TCF4: variants seen among roughly 807,000 people sequenced by gnomAD.
The protein encoded by TCF4 is transcription factor 4, also known as SL3-3 enhancer factor 2.
A neutral mutation model predicts 82.1 loss-of-function variants in TCF4; 3 were observed. The ratio of observed to expected loss-of-function variants is 0.04; its 90% CI spans 0.02 to 0.09. The LOEUF is 0.09. Ranked by LOEUF, TCF4 falls within the 10% of genes least tolerant of loss-of-function variation. TCF4 has a pLI of 1.00. For missense variants in TCF4, 518 were observed against 852.7 expected (o/e 0.61, Z 4.89); for synonymous variants, 276 against 309.6 (o/e 0.89, Z 1.14).
At chr18:55,400,951 C>T in intron 6 of TCF4, 1 of 1,288,278 alleles carries the variant, frequency 7.8e-7, no homozygotes, top group Non-Finnish European at 1.0e-6. Context: ...GTATCTCAAT[C>T]ATGTAGTAAA....
chr18:55,634,313 A>C (rs1216690624), intron 1 of TCF4, among the ~76,000 whole-genome samples: 1 of 152,082 alleles, frequency 6.6e-6, no homozygotes, highest in Non-Finnish European at 1.5e-5. Flanking sequence ...TAGAATTTAT[A>C]TGAAACAGTT....
Position 55,382,927 on chromosome 18 carries a change from C to T in TCF4, c.369+20527G>A, listed in dbSNP as rs575067967. ...GAAGGAATCTCATACACTATATAGG[C>T]CAAGCCTTCATTCTGCAGAGGCAGA... On this transcript the variant is annotated intron_variant, in intron 6 of 19. Coordinates refer to ENST00000354452, the MANE Select transcript of TCF4 (RefSeq NM_001083962.2). 2.6e-5 allele frequency among the ~76,000 whole-genome samples: 4 copies of T among 152,312 alleles called. No homozygotes were observed. The East Asian group carries it at 7.7e-4, about 29-fold the overall frequency.
At chr18:55,631,051 GTT>G (rs35757922) in intron 2 of TCF4, among the ~76,000 whole-genome samples, 7 of 142,278 alleles carry the variant, frequency 4.9e-5, no homozygotes, top group East Asian at 2.1e-4. Context: ...AGAGCAATGG[GTT>G]TTTTTTTTTT....
At chr18:55,439,046 G>A (rs571881535) in intron 5 of TCF4, among the ~76,000 whole-genome samples, 27 of 152,318 alleles carry the variant, frequency 1.8e-4, no homozygotes, top group Non-Finnish European at 2.8e-4. Context: ...TGGGATGGAG[G>A]TGTGTGCACC....
At chr18:55,430,703 G>C (rs1274869019) in intron 5 of TCF4, among the ~76,000 whole-genome samples, 1 of 152,158 alleles carries the variant, frequency 6.6e-6, no homozygotes, top group Non-Finnish European at 1.5e-5. Context: ...CATTGTGGAT[G>C]TTGAGGGAGA....
rs139866948 is a variant in TCF4 at position 55,366,681 on chromosome 18, C to G, written c.370-15678G>C. Among the ~76,000 whole-genome samples, 130 of 152,336 alleles carry G rather than the reference C, an allele frequency of 8.5e-4. No homozygotes were observed. The East Asian group carries it at 0.018, about 21-fold the overall frequency. The stretch of plus-strand genomic sequence containing the variant: ...ATTCCCTTAGAATATTTGCACCCAG[C>G]CTGCTCAATTTTGGCACATGTATTT... On this transcript the variant is annotated intron_variant, in intron 6 of 19. Transcript: ENST00000354452.
chr18:55,607,100 G>A (rs2097702859), intron 2 of TCF4, among the ~76,000 whole-genome samples: 1 of 152,108 alleles, frequency 6.6e-6, no homozygotes, highest in African/African-American at 2.4e-5. Flanking sequence ...TCTCTTCATT[G>A]TTGGGGGATG....
intron 11 of TCF4, chr18:55,266,390 C>A (rs1157097717): frequency 6.6e-6 from 1 of 152,214 alleles, no homozygotes; most frequent in South Asian, 2.1e-4. Flanking sequence ...GTAGAAGGTG[C>A]TGATGCTGGT....
intron 3 of TCF4, among the ~76,000 whole-genome samples, chr18:55,535,532 C>A (rs189909236): frequency 6.6e-6 from 1 of 152,162 alleles, no homozygotes; most frequent in African/African-American, 2.4e-5. Context: ...TATAACACTA[C>A]CAAGCTTTAA....
chr18:55,368,112 G>A (rs1034722318), intron 6 of TCF4, among the ~76,000 whole-genome samples: 7 of 152,208 alleles, frequency 4.6e-5, no homozygotes, highest in South Asian at 2.1e-4. Context: ...TCAGCCGGGC[G>A]CGGTGGCTCA....
chr18:55,286,057 TG>T (rs2063602661), intron 8 of TCF4, among the ~76,000 whole-genome samples: 1 of 152,256 alleles, frequency 6.6e-6, no homozygotes, highest in African/African-American at 2.4e-5. Flanking sequence ...CCCAGGTTTC[TG>T]GATATGCAGG....
At chr18:55,381,010 C>T (rs1367293390) in intron 6 of TCF4, among the ~76,000 whole-genome samples, 1 of 152,088 alleles carries the variant, frequency 6.6e-6, no homozygotes, top group African/African-American at 2.4e-5. Context: ...TTCTTGACAT[C>T]TTTTCTAATT....
intron 3 of TCF4, among the ~76,000 whole-genome samples, chr18:55,570,462 C>A (rs2097452963): frequency 6.6e-6 from 1 of 151,904 alleles, no homozygotes; most frequent in Admixed American, 6.6e-5. Context: ...ACCTAGAAAT[C>A]AATAAGAAAA....
chr18:55,508,543 A>T (rs2096789521), intron 3 of TCF4, among the ~76,000 whole-genome samples: 1 of 152,182 alleles, frequency 6.6e-6, no homozygotes, highest in South Asian at 2.1e-4. Context: ...AGATGCATTC[A>T]CTCATTTAAT....
chr18:55,383,852 T>C (rs934547311), intron 6 of TCF4: 4 of 152,246 alleles, frequency 2.6e-5, no homozygotes, highest in African/African-American at 7.2e-5. Flanking sequence ...ATGAATGATG[T>C]GACCCAGCAT....
rs1160112055 is a variant in TCF4 at position 55,234,662 on chromosome 18, C to T, written c.1372G>A (p.Gly458Ser). ...GAATGGCTGCCTCTCAGGGCCACGC[C>T]ATCTTCACGATGGGTCCCCACCTGA... ...SLMVGTHRED[G>S]VALRGSHSLL... Residue 458 changes from glycine to serine, a missense_variant, in exon 16 of 20, where the codon GGC (glycine) becomes AGC (serine). Gly to Ser is a moderately conservative substitution (Grantham distance 56). Around this residue, in one of 7 missense-constraint regions of TCF4, gnomAD observed 144 missense variants for 190.2 expected, o/e 0.76. Transcript: ENST00000354452. The T allele has an allele frequency of 6.2e-7, 1 of 1,614,052 alleles. No homozygotes were observed. The highest frequency in any genetic ancestry group is 1.3e-5 in the African/African-American group (1 of 74,920).
At chr18:55,318,016 T>C (rs968117215) in intron 8 of TCF4, among the ~76,000 whole-genome samples, 2 of 152,108 alleles carry the variant, frequency 1.3e-5, no homozygotes, top group African/African-American at 4.8e-5. Flanking sequence ...CTTGTTAGTA[T>C]AAAGCAAAAA....
intron 11 of TCF4, among the ~76,000 whole-genome samples, chr18:55,262,335 T>G (rs760328918): frequency 2.6e-5 from 4 of 152,218 alleles, no homozygotes; most frequent in African/African-American, 4.8e-5. Flanking sequence ...GAAGGTATCT[T>G]GCCTTTAGAA....
At chr18:55,396,141 C>A (rs1421087116) in intron 6 of TCF4, among the ~76,000 whole-genome samples, 1 of 152,094 alleles carries the variant, frequency 6.6e-6, no homozygotes, top group African/African-American at 2.4e-5. Flanking sequence ...GACTTCTGAG[C>A]CTAAAAACTC....
Sources: gnomAD v4.1 joint callset for allele counts (sites outside exome capture counted in the v4.1 genomes callset) on GRCh38, gnomAD v4.1.1 for gene constraint, gnomAD v4.1.1 regional missense constraint, MANE v1.5 for transcripts, NCBI Gene and HGNC (gene_info 2026-07-23, HGNC 2026-07-21) for gene names.